The following DLC1 variants were observed in gnomAD, a reference collection of about 807,000 sequenced individuals.
DLC1 encodes the protein DLC1 Rho GTPase activating protein, also known as rho GTPase-activating protein 7.
In DLC1, 54 loss-of-function variants were observed where a neutral mutation model predicts 140.3. That is an observed-to-expected ratio of 0.38 (90% CI 0.31 to 0.48). The LOEUF (loss-of-function observed/expected upper bound fraction) is 0.48. Ranked by LOEUF, DLC1 falls within the 20% of genes least tolerant of loss-of-function variation. DLC1 has a pLI of 0.96. For synonymous variants in DLC1, 986 were observed against 728.1 expected, an observed-to-expected ratio of 1.35 and a Z score of -5.70; for missense variants, 2,536 against 1,907.0, an observed-to-expected ratio of 1.33 and a Z score of -6.14.
intron 2 of DLC1, among the ~76,000 whole-genome samples, chr8:13,482,717 C>G (rs1211397137): frequency 1.3e-5 from 2 of 152,132 alleles, no homozygotes; most frequent in Non-Finnish European, 2.9e-5. Flanking sequence ...AACAGAGAGA[C>G]AGTGAGAGAA....
chr8:13,582,267 T>C (rs1486216952), intron 1 of DLC1, among the ~76,000 whole-genome samples: 1 of 152,162 alleles, frequency 6.6e-6, no homozygotes, highest in African/African-American at 2.4e-5. Context: ...TACACTCTCT[T>C]CAAGAAAACA....
At chr8:13,292,948 C>A (rs1338283343) in intron 5 of DLC1, among the ~76,000 whole-genome samples, 1 of 152,180 alleles carries the variant, frequency 6.6e-6, no homozygotes, top group East Asian at 1.9e-4. Flanking sequence ...GCAGGCCAGT[C>A]ATGGTGTCTT....
intron 1 of DLC1, among the ~76,000 whole-genome samples, chr8:13,591,251 G>T (rs1016937842): frequency 6.6e-6 from 1 of 152,066 alleles, no homozygotes; most frequent in Non-Finnish European, 1.5e-5. Flanking sequence ...GTTTGGCTTT[G>T]TGTCCTCACC....
At chr8:13,305,362 T>G (rs1832378586) in intron 4 of DLC1, 60 bp from the exon 5 acceptor site, 1 of 1,509,988 alleles carries the variant, frequency 6.6e-7, no homozygotes, top group Non-Finnish European at 8.9e-7. Flanking sequence ...AAAGCATCAT[T>G]AGAAATAAAA....
chr8:13,547,014 G>T (rs919435281), intron 1 of DLC1, among the ~76,000 whole-genome samples: 3 of 152,020 alleles, frequency 2.0e-5, no homozygotes, highest in African/African-American at 4.8e-5. Flanking sequence ...AAATGTCTAT[G>T]ATATAAAATT....
intron 5 of DLC1, among the ~76,000 whole-genome samples, chr8:13,216,409 C>T (rs1040270301): frequency 6.6e-6 from 1 of 152,086 alleles, no homozygotes; most frequent in Non-Finnish European, 1.5e-5. Context: ...TGCAGATCAC[C>T]TCTCTAGTCA....
intron 1 of DLC1, among the ~76,000 whole-genome samples, chr8:13,501,964 T>G (rs1393247041): frequency 6.6e-6 from 1 of 152,190 alleles, no homozygotes; most frequent in Non-Finnish European, 1.5e-5. Context: ...TTATCCAGTG[T>G]AGAAAGAGCC....
Position 13,099,376 on chromosome 8 carries a change from C to A in DLC1, c.2961G>T (p.Gly987=). The A allele has an allele frequency of 6.2e-7, 1 of 1,614,008 alleles. No individual in the cohort carries two copies. ...PSEIPERRDS[G]VGASLTRSNR... The stretch of plus-strand genomic sequence containing the variant: ...TGGACCTGGTTAGGGAAGCCCCAAC[C>A]CCAGAATCCCTTCTTTCCGGGATCT... The change falls in exon 9 of 18, where the codon GGG becomes GGT. Residue 987 remains glycine (G), a synonymous_variant. Transcript: ENST00000276297.
chr8:13,589,198 A>C (rs556029716), intron 1 of DLC1, among the ~76,000 whole-genome samples: 2 of 152,188 alleles, frequency 1.3e-5, no homozygotes, highest in Admixed American at 1.3e-4. Context: ...ATACAACTTA[A>C]CCATTCTTAG....
chr8:13,489,550 C>A (rs894811369), intron 2 of DLC1, among the ~76,000 whole-genome samples: 1 of 148,746 alleles, frequency 6.7e-6, no homozygotes. Context: ...TTTAATATTT[C>A]TGACAATAGA....
intron 5 of DLC1, among the ~76,000 whole-genome samples, chr8:13,147,761 G>A (rs1823538529): frequency 1.3e-5 from 2 of 152,046 alleles, no homozygotes; most frequent in South Asian, 4.1e-4. Context: ...AGGCCTAGGC[G>A]GGCGGATCAT....
intron 4 of DLC1, among the ~76,000 whole-genome samples, chr8:13,338,977 C>A (rs1833920797): frequency 1.3e-5 from 2 of 152,076 alleles, no homozygotes; most frequent in South Asian, 4.1e-4. Flanking sequence ...AACACACATA[C>A]TGATTTGAAT....
At chr8:13,211,196 C>T (rs1827924631) in intron 5 of DLC1, among the ~76,000 whole-genome samples, 1 of 152,132 alleles carries the variant, frequency 6.6e-6, no homozygotes, top group Admixed American at 6.6e-5. Flanking sequence ...GAACTCCTTG[C>T]CCCATTTCCC....
chr8:13,309,384 C>T (rs551133011), intron 4 of DLC1, among the ~76,000 whole-genome samples: 3 of 152,228 alleles, frequency 2.0e-5, no homozygotes, highest in Non-Finnish European at 4.4e-5. Flanking sequence ...GGCTCCCAAC[C>T]ACTCCAACCC....
chr8:13,246,818 G>T (rs1260948066), intron 5 of DLC1, among the ~76,000 whole-genome samples: 1 of 152,104 alleles, frequency 6.6e-6, no homozygotes, highest in East Asian at 1.9e-4. Context: ...GAGGATCTGA[G>T]ACATATTTCT....
chr8:13,149,563 C>A (rs915705666), intron 5 of DLC1, among the ~76,000 whole-genome samples: 6 of 152,184 alleles, frequency 3.9e-5, no homozygotes, highest in Admixed American at 2.6e-4. Flanking sequence ...GATTAGGGTC[C>A]TTCTTCCTGG....
At chr8:13,186,777 C>G (rs200967220) in intron 5 of DLC1, among the ~76,000 whole-genome samples, 5 of 152,214 alleles carry the variant, frequency 3.3e-5, no homozygotes, top group African/African-American at 1.2e-4. Context: ...TTTCTTCCCA[C>G]CTTTGTGGTT....
At chr8:13,424,667 G>C (rs987455846) in intron 2 of DLC1, among the ~76,000 whole-genome samples, 2 of 151,820 alleles carry the variant, frequency 1.3e-5, no homozygotes, top group Non-Finnish European at 2.9e-5. Context: ...TCACCTCCCG[G>C]GTTCATGCCA....
At chr8:13,509,793 T>A (rs1802271573) in intron 1 of DLC1, among the ~76,000 whole-genome samples, 1 of 151,294 alleles carries the variant, frequency 6.6e-6, no homozygotes, top group South Asian at 2.1e-4. Context: ...TGTGAGGATG[T>A]CTGTGAAATA....
Sources: allele counts gnomAD v4.1 joint callset (sites outside exome capture counted in the v4.1 genomes callset), GRCh38; gene constraint gnomAD v4.1.1; transcripts MANE v1.5; gene names NCBI Gene and HGNC (gene_info 2026-07-23, HGNC 2026-07-21).